Variants in VWA8 observed in about 807,000 individuals in gnomAD.
VWA8 encodes von Willebrand factor A domain containing 8.
In VWA8, 221 loss-of-function variants were observed where a neutral mutation model predicts 241.5. The ratio of observed to expected loss-of-function variants is 0.91; its 90% CI spans 0.82 to 1.02. VWA8 has a LOEUF of 1.02. VWA8 is among the 50% of genes least tolerant of loss of function. The pLI, the probability that VWA8 is intolerant of heterozygous loss-of-function variation, is 0.00. For synonymous variants in VWA8, 852 were observed against 827.1 expected (o/e 1.03, Z -0.52); for missense variants, 2,322 against 2,328.7 (o/e 1.00, Z 0.06).
intron 26 of VWA8, among the ~76,000 whole-genome samples, chr13:41,709,769 C>CT (rs36103013): frequency 0.17 from 25,332 of 146,742 alleles, 2,302 homozygotes; most frequent in Non-Finnish European, 0.22. Flanking sequence ...CTGTCTCTCT[C>CT]TCTTTTTTTT....
At chr13:41,758,398 G>GTATATATATATA (rs1236188354) in intron 21 of VWA8, among the ~76,000 whole-genome samples, 22 of 24,992 alleles carry the variant, frequency 8.8e-4, no homozygotes, top group East Asian at 1.9e-3. Context: ...ATATACGCTA[G>GTATATATATATA]TATATATATA....
At chr13:41,712,699 G>A (rs937690960) in intron 26 of VWA8, among the ~76,000 whole-genome samples, 4 of 152,144 alleles carry the variant, frequency 2.6e-5, no homozygotes, top group Non-Finnish European at 5.9e-5. Context: ...TGAATGCCCC[G>A]TTCTATCACT....
Position 41,671,133 on chromosome 13 carries a change from G to A in VWA8, c.4424C>T (p.Ser1475Leu), listed in dbSNP as rs1490865143. ...YIPIPRSESL[S>L]PYTTWLSTIS... is the part of the protein sequence containing the mutation. ...GGTCGACAGCCATGTGGTATACGGCGAGAGAGATTCTGATCTGGAAAAAGG... is the reference window on the plus strand; with the variant it reads ...GGTCGACAGCCATGTGGTATACGGCAAGAGAGATTCTGATCTGGAAAAAGG... Residue 1475 changes from serine (S) to leucine (L), a missense_variant, in exon 37 of 45, where the codon TCG (serine) becomes TTG (leucine). By Grantham distance (145) the Ser-to-Leu change is moderately radical (BLOSUM62 -2). Transcript: ENST00000379310. 5.6e-6 allele frequency: 9 copies of A among 1,613,560 alleles called. No homozygotes were observed. Among genetic ancestry groups the A allele is most frequent in the South Asian group, 4.4e-5 (4 of 91,058 alleles).
chr13:41,714,943 A>G (rs1163865145), intron 26 of VWA8, among the ~76,000 whole-genome samples: 3 of 151,956 alleles, frequency 2.0e-5, no homozygotes, highest in African/African-American at 7.2e-5. Flanking sequence ...CAGTATCTAA[A>G]TAACTACTCT....
Position 41,691,267 on chromosome 13 carries a change from A to G in VWA8, c.3866+53T>C. ...ACAGTAAAGATGTTGGATAATTCATAAATAAGATTGAGCTACAACATACTC... is the reference window on the plus strand; with the variant it reads ...ACAGTAAAGATGTTGGATAATTCATGAATAAGATTGAGCTACAACATACTC... On this transcript the variant is annotated intron_variant, in intron 32 of 44. Coordinates refer to ENST00000379310, the MANE Select transcript of VWA8 (RefSeq NM_015058.2). 3.2e-6 allele frequency: 5 copies of G among 1,561,712 alleles called. No homozygotes were observed. In the South Asian group the frequency reaches 6.1e-5, roughly 19 times the overall value.
At chr13:41,796,962 T>C (rs898876381) in intron 17 of VWA8, among the ~76,000 whole-genome samples, 6 of 152,204 alleles carry the variant, frequency 3.9e-5, no homozygotes, top group African/African-American at 1.4e-4. Flanking sequence ...ATGAATTCTG[T>C]TGCTTCTTGG....
At chr13:41,918,486 T>C (rs976350587) in intron 2 of VWA8, among the ~76,000 whole-genome samples, 1 of 152,192 alleles carries the variant, frequency 6.6e-6, no homozygotes, top group Non-Finnish European at 1.5e-5. Flanking sequence ...TGTGTTTGTA[T>C]AGAAAAATGC....
rs560810169 is a variant in VWA8, at chr13:41,585,929, G to C, written c.5271+1583C>G. 2.2e-3 allele frequency among the ~76,000 whole-genome samples: 325 copies of C among 150,634 alleles called. 2 individuals are homozygous for C. Among genetic ancestry groups the C allele is most frequent in the African/African-American group, 7.4e-3 (305 of 41,140 alleles). ...CTCCATATAGCTCAAAGAGAGCCGA[G>C]GAACACTGAAATTCAAGATCCATAA... On this transcript the variant is annotated intron_variant, in intron 42 of 44. Coordinates refer to ENST00000379310, the MANE Select transcript of VWA8 (RefSeq NM_015058.2).
intron 39 of VWA8, 99 bp downstream of exon 39, chr13:41,611,477 G>T: frequency 6.8e-7 from 1 of 1,463,912 alleles, no homozygotes; most frequent in Non-Finnish European, 9.2e-7. Context: ...GCTGCATGAG[G>T]TGGAGGTGGA....
chr13:41,597,083 A>C (rs1210119955), intron 40 of VWA8, among the ~76,000 whole-genome samples: 1 of 152,108 alleles, frequency 6.6e-6, no homozygotes, highest in Non-Finnish European at 1.5e-5. Flanking sequence ...TGTTATAGAG[A>C]GTTTATACAT....
At chr13:41,877,994 A>G (rs1461354031) in intron 9 of VWA8, among the ~76,000 whole-genome samples, 1 of 152,102 alleles carries the variant, frequency 6.6e-6, no homozygotes, top group African/African-American at 2.4e-5. Context: ...TGTGAATTCT[A>G]TCTGATTGAA....
At position 41,699,278 on chromosome 13, in the gene VWA8, G is replaced by A. The variant is rs748673695; in HGVS notation, c.3365-8C>T. 6.2e-7 allele frequency: 1 copy of A among 1,613,258 alleles called. No homozygotes were observed. Among genetic ancestry groups the A allele is most frequent in the Non-Finnish European group, 8.5e-7 (1 of 1,179,564 alleles). The stretch of plus-strand genomic sequence containing the variant: ...GAGTATTTTGCTCATTTTCTGAAAT[G>A]ACAAAAAGGTGTTAATTTTGTGGCT... On this transcript the variant is annotated splice_polypyrimidine_tract_variant and splice_region_variant and intron_variant, in intron 28 of 44. Transcript: ENST00000379310.
chr13:41,817,240 C>T (rs1870734639), intron 15 of VWA8, among the ~76,000 whole-genome samples: 1 of 152,150 alleles, frequency 6.6e-6, no homozygotes, highest in African/African-American at 2.4e-5. Context: ...CATTTATTTA[C>T]AGAATGGATA....
intron 14 of VWA8, among the ~76,000 whole-genome samples, chr13:41,830,016 G>A (rs1871364264): frequency 6.6e-6 from 1 of 152,152 alleles, no homozygotes; most frequent in African/African-American, 2.4e-5. Context: ...GCCAAGGCGG[G>A]CGGATCACGA....
intron 10 of VWA8, among the ~76,000 whole-genome samples, chr13:41,867,327 C>T (rs1202871523): frequency 1.3e-5 from 2 of 152,176 alleles, no homozygotes; most frequent in African/African-American, 4.8e-5. Context: ...TTCTCCATAT[C>T]CCCAGTCATT....
chr13:41,611,801 GT>G, intron 38 of VWA8, 69 bp from the exon 39 acceptor site: 2 of 1,574,004 alleles, frequency 1.3e-6, no homozygotes, highest in Non-Finnish European at 8.7e-7. Context: ...TTGGGTCATG[GT>G]TTTAGGACAG....
At chr13:41,688,772 C>T (rs576816490) in intron 34 of VWA8, among the ~76,000 whole-genome samples, 6 of 152,074 alleles carry the variant, frequency 3.9e-5, no homozygotes, top group South Asian at 2.1e-4. Flanking sequence ...AGCGAAACAT[C>T]GAGGACATAC....
chr13:41,790,627 A>G (rs1052169368), intron 17 of VWA8, among the ~76,000 whole-genome samples: 2 of 152,028 alleles, frequency 1.3e-5, no homozygotes, highest in East Asian at 3.8e-4. Flanking sequence ...TCCAGAAGTA[A>G]ATAAATTAAT....
intron 4 of VWA8, among the ~76,000 whole-genome samples, chr13:41,895,203 A>G (rs1271047776): frequency 6.6e-6 from 1 of 152,184 alleles, no homozygotes; most frequent in African/African-American, 2.4e-5. Flanking sequence ...GCTTCCAAGT[A>G]TACTATTTAA....
Sources: gnomAD v4.1 joint callset for allele counts (sites outside exome capture counted in the v4.1 genomes callset) on GRCh38, gnomAD v4.1.1 for gene constraint, MANE v1.5 for transcripts, NCBI Gene and HGNC (gene_info 2026-07-23, HGNC 2026-07-21) for gene names.